VAV2: variants seen among roughly 807,000 people sequenced by gnomAD.
VAV2 encodes the protein guanine nucleotide exchange factor VAV2.
VAV2 carries 67 observed loss-of-function variants against 132.5 expected under a neutral mutation model. That is an observed-to-expected ratio of 0.51 (90% CI 0.42 to 0.62). The LOEUF is 0.62. Ranked by LOEUF, VAV2 falls within the 20% of genes least tolerant of loss-of-function variation. The pLI, the probability that VAV2 is intolerant of heterozygous loss-of-function variation, is 0.00. For missense variants in VAV2, 938 were observed against 1,153.6 expected (o/e 0.81, Z 2.71); for synonymous variants, 492 against 443.5 (o/e 1.11, Z -1.37).
intron 3 of VAV2, among the ~76,000 whole-genome samples, chr9:133,854,255 G>GCA (rs3054960): frequency 0.25 from 36,194 of 145,948 alleles, 5,578 homozygotes; most frequent in African/African-American, 0.48. Context: ...GCACTCATCT[G>GCA]CACACACACA....
intron 5 of VAV2, among the ~76,000 whole-genome samples, 162 bp downstream of exon 5, chr9:133,811,951 TG>T (rs1258005779): frequency 6.6e-6 from 1 of 152,116 alleles, no homozygotes; most frequent in Non-Finnish European, 1.5e-5. Flanking sequence ...CCGTGGGGAC[TG>T]GGAAGGACCA....
intron 1 of VAV2, among the ~76,000 whole-genome samples, chr9:133,941,616 G>A (rs867319456): frequency 6.7e-6 from 1 of 149,384 alleles, no homozygotes; most frequent in African/African-American, 2.5e-5. Context: ...TTTGGGGGGG[G>A]GGGGGGACGG....
chr9:133,794,562 T>G lies in VAV2; in HGVS notation c.1101+1106A>C, dbSNP rs1364636562. ...CCCTCCCCCACCCAGAGGGAGCTCC[T>G]TAAATGAGGTACCTGGGAAAGGAAA... is the stretch of plus-strand genomic sequence containing the variant. On this transcript the variant is annotated intron_variant, in intron 12 of 29. Transcript: ENST00000371850. The surrounding 1 kb of genome is among the most constrained non-coding windows in gnomAD (Gnocchi z 4.6). 3.3e-5 allele frequency among the ~76,000 whole-genome samples: 5 copies of G among 152,120 alleles called. No individual in the cohort carries two copies. The East Asian group carries it at 9.7e-4, about 30-fold the overall frequency.
At chr9:133,946,402 C>T (rs1222106350) in intron 1 of VAV2, among the ~76,000 whole-genome samples, 1 of 152,242 alleles carries the variant, frequency 6.6e-6, no homozygotes, top group Non-Finnish European at 1.5e-5. Context: ...CAGGGCACCA[C>T]AGCTTCTGGG....
intron 2 of VAV2, among the ~76,000 whole-genome samples, chr9:133,868,500 C>A (rs886657762): frequency 2.0e-5 from 3 of 152,180 alleles, no homozygotes; most frequent in Non-Finnish European, 2.9e-5. Context: ...TGAGACGGAG[C>A]CTGGCCCAAA....
intron 24 of VAV2, 25 bp from the exon 25 acceptor site, chr9:133,775,076 C>T (rs145975666): frequency 1.5e-5 from 23 of 1,574,944 alleles, no homozygotes; most frequent in South Asian, 5.8e-5. Flanking sequence ...CGGGAGGAAA[C>T]GAGAGCCGCA....
Position 133,858,688 on chromosome 9 carries a change from C to T in VAV2, c.380+2686G>A, listed in dbSNP as rs180932266. ...AGGTCTCATCTCAATAAATCCGAGA[C>T]GCCCCCAGTGTTTATCCTCATCTTG... On this transcript the variant is annotated intron_variant, in intron 3 of 29. Transcript: ENST00000371850. Among the ~76,000 whole-genome samples the T allele has an allele frequency of 4.4e-3, 665 of 152,292 alleles. 3 individuals carry two copies. The highest frequency in any genetic ancestry group is 0.015 in the African/African-American group (637 of 41,558).
intron 1 of VAV2, among the ~76,000 whole-genome samples, chr9:133,948,451 G>A (rs1004167419): frequency 1.6e-4 from 24 of 152,080 alleles, no homozygotes; most frequent in African/African-American, 5.6e-4. Context: ...CAAGGTCTTC[G>A]GGGGCCAGCC....
intron 2 of VAV2, among the ~76,000 whole-genome samples, chr9:133,869,118 G>A (rs989512223): frequency 4.6e-5 from 7 of 151,718 alleles, no homozygotes; most frequent in African/African-American, 9.7e-5. Context: ...CGCCTCAGCC[G>A]CCTGAGTAGC....
chr9:133,937,509 T>A lies in VAV2; in HGVS notation c.321+1594A>T, dbSNP rs797013849. Among the ~76,000 whole-genome samples, 10 of 96,816 alleles carry A rather than the reference T, an allele frequency of 1.0e-4. No individual in the cohort carries two copies. The South Asian group carries it at 1.1e-3, about 11-fold the overall frequency. 63.5% of individuals were successfully genotyped at this position (96,816 alleles called of 152,430 possible). ...GGGTGCAAGAGTGTGTGCGTGTGAGTGTGTGTGCGCGTGTGAGAGTGTGTG... is the reference window on the plus strand; with the variant it reads ...GGGTGCAAGAGTGTGTGCGTGTGAGAGTGTGTGCGCGTGTGAGAGTGTGTG... On this transcript the variant is annotated intron_variant, in intron 2 of 29. Coordinates refer to ENST00000371850, the MANE Select transcript of VAV2 (RefSeq NM_001134398.2).
At chr9:133,780,605 A>C (rs55779491) in intron 20 of VAV2, 89 bp downstream of exon 20, 8 of 1,274,046 alleles carry the variant, frequency 6.3e-6, no homozygotes, top group Non-Finnish European at 8.0e-6. Context: ...TGAGTGGTGA[A>C]AGGCAGACAA....
intron 1 of VAV2, among the ~76,000 whole-genome samples, chr9:133,959,816 C>A (rs1303523369): frequency 6.6e-6 from 1 of 152,184 alleles, no homozygotes; most frequent in Non-Finnish European, 1.5e-5. Flanking sequence ...CAGAGGCTGG[C>A]CAGCCAAGGA....
chr9:133,833,930 C>T lies in VAV2; in HGVS notation c.449+342G>A, dbSNP rs1836361255. On this transcript the variant is annotated intron_variant, in intron 4 of 29. Coordinates refer to ENST00000371850, the MANE Select transcript of VAV2 (RefSeq NM_001134398.2). The surrounding 1 kb of genome is among the most constrained non-coding windows in gnomAD (Gnocchi z 5.6). ...CCGGCTTGGGGAGCATGGCCAGCCC[C>T]CTCTCTGCCCCACAGCTTCGCAGAG... Among the ~76,000 whole-genome samples, 1 of 152,224 alleles carries T rather than the reference C, an allele frequency of 6.6e-6. No individual in the cohort carries two copies. Among genetic ancestry groups the T allele is most frequent in the African/African-American group, 2.4e-5 (1 of 41,458 alleles).
chr9:133,970,831 A>T (rs1842307785), intron 1 of VAV2, among the ~76,000 whole-genome samples: 1 of 152,236 alleles, frequency 6.6e-6, no homozygotes, highest in Admixed American at 6.5e-5. Context: ...GTAAATGCAA[A>T]CGGCTTCTGT....
At chr9:133,786,019 T>A in intron 16 of VAV2, 134 bp from the exon 17 acceptor site, 1 of 793,022 alleles carries the variant, frequency 1.3e-6, no homozygotes, top group Non-Finnish European at 2.1e-6. Flanking sequence ...TGTGCCTGTG[T>A]GAACACATGT....
At chr9:133,990,831 AG>A (rs1386499348) in intron 1 of VAV2, among the ~76,000 whole-genome samples, 1 of 152,092 alleles carries the variant, frequency 6.6e-6, no homozygotes, top group Non-Finnish European at 1.5e-5. Flanking sequence ...GCTGGCTCCC[AG>A]GGAGGCCTCT....
At chr9:133,838,055 A>T (rs1305331677) in intron 3 of VAV2, among the ~76,000 whole-genome samples, 1 of 152,158 alleles carries the variant, frequency 6.6e-6, no homozygotes, top group Non-Finnish European at 1.5e-5. Flanking sequence ...GCACGGCCTC[A>T]GCGCCTGGCC....
rs1237793990 is a variant in VAV2, at chr9:133,768,676, G to C, written c.2435-80C>G. 1.1e-5 allele frequency: 17 copies of C among 1,524,788 alleles called. No homozygotes were observed. Among genetic ancestry groups the C allele is most frequent in the Non-Finnish European group, 9.7e-6 (11 of 1,136,454 alleles). 94.5% of individuals were successfully genotyped at this position (1,524,788 alleles called of 1,614,324 possible). On this transcript the variant is annotated intron_variant, in intron 28 of 29. Coordinates refer to ENST00000371850, the MANE Select transcript of VAV2 (RefSeq NM_001134398.2). This position sits in a 1 kb window ranked among gnomAD's most constrained non-coding sequence, Gnocchi z 5.3. Reference sequence around the variant, plus strand: ...TCCAGGAGGCCCTTGGGCCAAGCTGGGTCTCTCCCCTGGTGCCCAGAACCC... The same window carrying C: ...TCCAGGAGGCCCTTGGGCCAAGCTGCGTCTCTCCCCTGGTGCCCAGAACCC...
At chr9:133,839,153 G>A (rs1234340734) in intron 3 of VAV2, among the ~76,000 whole-genome samples, 2 of 150,386 alleles carry the variant, frequency 1.3e-5, no homozygotes, top group Non-Finnish European at 3.0e-5. Flanking sequence ...GGTGGGATGG[G>A]TGGATGAGTG....
Sources: allele counts gnomAD v4.1 joint callset (sites outside exome capture counted in the v4.1 genomes callset), GRCh38; gene constraint gnomAD v4.1.1; non-coding constraint Gnocchi (gnomAD v3.1); transcripts MANE v1.5; gene names NCBI Gene and HGNC (gene_info 2026-07-23, HGNC 2026-07-21).